AVEN: variants seen among roughly 807,000 people sequenced by gnomAD.
AVEN encodes apoptosis and caspase activation inhibitor.
Under a neutral mutation model 38.1 loss-of-function variants are expected in AVEN, and 41 were observed. That is an observed-to-expected ratio of 1.08 (90% confidence interval 0.84 to 1.40). The LOEUF (loss-of-function observed/expected upper bound fraction) is 1.40, where lower values mean the gene tolerates loss of function less well. AVEN is among the 40% of genes most tolerant of loss of function. The probability of loss-of-function intolerance (pLI) is 0.00; values close to 1 mark genes in which losing one functional copy is unlikely to be tolerated. For synonymous variants in AVEN, 206 were observed against 171.8 expected (o/e 1.20, Z -1.56); for missense variants, 605 against 438.8 (o/e 1.38, Z -3.38).
downstream of AVEN, chr15:33,857,935 G>C (rs745910822): frequency 2.9e-6 from 4 of 1,379,638 alleles, no homozygotes; most frequent in Non-Finnish European, 2.9e-6. Context: ...ACCCACTGCG[G>C]GGCCAGCCCA....
chr15:34,063,659 GC>G lies in AVEN; in HGVS notation n.1127-228del. The G allele has an allele frequency of 6.2e-7, 1 of 1,614,142 alleles. No individual in the cohort carries two copies. The highest frequency in any genetic ancestry group is 8.5e-7 in the Non-Finnish European group (1 of 1,180,024). On this transcript the variant is annotated intron_variant and non_coding_transcript_variant, in intron 4 of 11. Transcript: ENST00000675287. The surrounding 1 kb of genome is among the most constrained non-coding windows in gnomAD (Gnocchi z 4.1). The stretch of plus-strand genomic sequence containing the variant: ...ACCCTTCCTCAGAGGATGAGGACAA[GC>G]CCGCCACTGACCCTGTCCTCCAAGT...
At position 33,867,545 on chromosome 15, in the gene AVEN, G is replaced by T. The variant is rs369088250; in HGVS notation, c.923C>A (p.Ser308Tyr). The T allele has an allele frequency of 5.0e-6, 8 of 1,609,136 alleles. No homozygotes were observed. The African/African-American group carries it at 1.1e-4, about 22-fold the overall frequency. Residue 308 changes from serine (S) to tyrosine (Y), a missense_variant, in exon 5 of 6, where the codon TCT (serine) becomes TAT (tyrosine). By Grantham distance (144) the Ser-to-Tyr change is moderately radical. Coordinates refer to ENST00000306730, the MANE Select transcript of AVEN (RefSeq NM_020371.3). ...EGDNILPDQT[S>Y]QDLKSKEDGE... ...ATCTTCCTTGGATTTCAGGTCCTGA[G>T]ACGTCTGATCTGGTAAGATGTTATC...
At chr15:34,008,763 C>G (rs920068066) in intron 1 of AVEN, among the ~76,000 whole-genome samples, 2 of 152,100 alleles carry the variant, frequency 1.3e-5, no homozygotes, top group Non-Finnish European at 2.9e-5. Context: ...GATGGGATTA[C>G]AGGCGTGAGC....
chr15:34,038,271 C>T (rs549126183), intron 1 of AVEN, among the ~76,000 whole-genome samples: 1 of 152,326 alleles, frequency 6.6e-6, no homozygotes, highest in South Asian at 2.1e-4. Context: ...CATTCTTTCA[C>T]TCAACAAACT....
chr15:33,877,209 A>G (rs1355238573), intron 2 of AVEN, among the ~76,000 whole-genome samples: 1 of 152,206 alleles, frequency 6.6e-6, no homozygotes, highest in Non-Finnish European at 1.5e-5. Flanking sequence ...TTCTTTTTAA[A>G]TTAAAGAAAC....
downstream of AVEN, chr15:33,857,954 G>A (rs546978761): frequency 7.1e-6 from 11 of 1,539,032 alleles, no homozygotes; most frequent in Admixed American, 5.2e-5. Context: ...CACCCACTGC[G>A]GGGCCACCCC....
chr15:33,947,520 TCCAGAA>T (rs1894553256), intron 2 of AVEN, among the ~76,000 whole-genome samples: 1 of 152,152 alleles, frequency 6.6e-6, no homozygotes, highest in Non-Finnish European at 1.5e-5. Context: ...AGAGGTTGGT[TCCAGAA>T]CCCCTGAGGA....
downstream of AVEN, among the ~76,000 whole-genome samples, chr15:33,862,917 T>A (rs1888933506): frequency 6.6e-6 from 1 of 152,240 alleles, no homozygotes; most frequent in Admixed American, 6.5e-5. Context: ...ACACCCGGCC[T>A]CAAAAACTTG....
chr15:33,937,542 A>T (rs1199912967), intron 2 of AVEN, among the ~76,000 whole-genome samples: 1 of 152,106 alleles, frequency 6.6e-6, no homozygotes, highest in East Asian at 1.9e-4. Context: ...CAAAAAAAAA[A>T]AATAAATCCT....
At chr15:33,901,923 A>G (rs1892511745) in intron 2 of AVEN, among the ~76,000 whole-genome samples, 2 of 152,116 alleles carry the variant, frequency 1.3e-5, no homozygotes, top group African/African-American at 4.8e-5. Flanking sequence ...GTAACCTCTT[A>G]TCAGATATGT....
At chr15:33,862,665 C>T (rs181443562), downstream of AVEN, among the ~76,000 whole-genome samples, 79 of 152,210 alleles carry the variant, frequency 5.2e-4, no homozygotes, top group African/African-American at 1.9e-3. Flanking sequence ...GGCTGAAGTG[C>T]AGTGGCGCCA....
At chr15:34,059,054 G>A (rs950554635) in intron 5 of AVEN, among the ~76,000 whole-genome samples, 2 of 149,338 alleles carry the variant, frequency 1.3e-5, no homozygotes, top group Admixed American at 6.6e-5. Context: ...ACACCACCAT[G>A]CCCAGCTAAC....
At chr15:33,858,173 A>G (rs2079904566), downstream of AVEN, 2 of 423,380 alleles carry the variant, frequency 4.7e-6, no homozygotes, top group South Asian at 1.1e-4. Flanking sequence ...CAGTGGCGTC[A>G]TCATTCATCT....
rs201939919 is a variant in AVEN, at chr15:33,904,714, T to TACACACACAC, written c.446-28720_446-28719insGTGTGTGTGT. Among the ~76,000 whole-genome samples, 9 of 142,664 alleles carry TACACACACAC rather than the reference T, an allele frequency of 6.3e-5. No homozygotes were observed. In the East Asian group the frequency reaches 1.6e-3, roughly 26 times the overall value. The allele number at this position is 142,664 out of a possible 152,430, so 93.6% of individuals were successfully genotyped here. A position where few individuals can be genotyped will look rare whatever the true frequency, so the allele number is the denominator to read the frequency against. On this transcript the variant is annotated intron_variant, in intron 2 of 5. Coordinates refer to ENST00000306730, the MANE Select transcript of AVEN (RefSeq NM_020371.3). ...AAAAAAATATATATATATATATATA[T>TACACACACAC]ATACACACACACACGAATATGCACG...
downstream of AVEN, chr15:33,854,971 C>T (rs713202): frequency 0.028 from 42,008 of 1,493,738 alleles, 2,253 homozygotes; most frequent in East Asian, 0.26. Context: ...AAAAAAAGAA[C>T]AGCAGGTAGT....
At position 34,034,621 on chromosome 15, in the gene AVEN, T is replaced by A. The variant is rs906693872; in HGVS notation, c.267+4159A>T. Among the ~76,000 whole-genome samples, 12 of 152,228 alleles carry A rather than the reference T, an allele frequency of 7.9e-5. No individual in the cohort carries two copies. The East Asian group carries it at 2.1e-3, about 27-fold the overall frequency. ...TGTACATGGTTTCCCAAAATTTTTT[T>A]AGGCAGAATACAAGCAAAAAAGTTC... is the stretch of plus-strand genomic sequence containing the variant. On this transcript the variant is annotated intron_variant, in intron 1 of 5. Transcript: ENST00000306730.
At chr15:33,968,182 AC>A (rs1482989654) in intron 2 of AVEN, among the ~76,000 whole-genome samples, 1 of 141,572 alleles carries the variant, frequency 7.1e-6, no homozygotes, top group Non-Finnish European at 1.5e-5. Context: ...GCATTTTGGA[AC>A]CTTATTCCAG....
chr15:33,855,098 C>A (rs2079510348), downstream of AVEN, among the ~76,000 whole-genome samples: 1 of 152,208 alleles, frequency 6.6e-6, no homozygotes, highest in African/African-American at 2.4e-5. Flanking sequence ...AATGTAACTG[C>A]AACCATCATC....
At chr15:33,868,569 G>C (rs1195328134) in intron 4 of AVEN, among the ~76,000 whole-genome samples, 1 of 109,292 alleles carries the variant, frequency 9.1e-6, no homozygotes, top group Non-Finnish European at 2.0e-5. Context: ...AAAAAAAAAA[G>C]TCACCAGGAA....
Sources: allele counts gnomAD v4.1 joint callset (sites outside exome capture counted in the v4.1 genomes callset), GRCh38; gene constraint gnomAD v4.1.1; non-coding constraint Gnocchi (gnomAD v3.1); transcripts MANE v1.5; gene names NCBI Gene and HGNC (gene_info 2026-07-23, HGNC 2026-07-21).